The following ZMAT4 variants were observed in gnomAD, a reference collection of about 807,000 sequenced individuals.
ZMAT4 encodes zinc finger matrin-type protein 4.
Under a neutral mutation model 28.7 loss-of-function variants are expected in ZMAT4, and 17 were observed. That is an observed-to-expected ratio of 0.59 (90% CI 0.41 to 0.89). The LOEUF is 0.89. Ranked by LOEUF, ZMAT4 falls within the 40% of genes least tolerant of loss-of-function variation. The probability of loss-of-function intolerance (pLI) is 0.00; values close to 1 mark genes in which losing one functional copy is unlikely to be tolerated. For missense variants in ZMAT4, 240 were observed against 283.8 expected, an observed-to-expected ratio of 0.85 and a Z score of 1.11; for synonymous variants, 117 against 109.2, an observed-to-expected ratio of 1.07 and a Z score of -0.44.
chr8:40,770,568 G>A (rs1294608414), intron 2 of ZMAT4, among the ~76,000 whole-genome samples: 3 of 33,450 alleles, frequency 9.0e-5, no homozygotes, highest in Non-Finnish European at 2.3e-4. Context: ...TTTTTTTTGT[G>A]ACAGAGTCTC....
At chr8:40,835,265 G>A (rs1005988342) in intron 1 of ZMAT4, among the ~76,000 whole-genome samples, 5 of 152,202 alleles carry the variant, frequency 3.3e-5, no homozygotes, top group African/African-American at 9.6e-5. Flanking sequence ...GCAAAGAGAA[G>A]CAGGGAGAGG....
At chr8:40,867,601 C>T (rs773431804) in intron 1 of ZMAT4, among the ~76,000 whole-genome samples, 214 of 152,320 alleles carry the variant, frequency 1.4e-3, no homozygotes, top group Non-Finnish European at 1.3e-3. Context: ...CTGCCTCTCA[C>T]ATACAGCAGC....
chr8:40,619,440 G>T (rs1240252303), intron 5 of ZMAT4, among the ~76,000 whole-genome samples: 1 of 152,170 alleles, frequency 6.6e-6, no homozygotes, highest in Non-Finnish European at 1.5e-5. Flanking sequence ...CAGATATGCT[G>T]TGCTGGGGTG....
At chr8:40,703,490 T>C (rs944501389) in intron 3 of ZMAT4, among the ~76,000 whole-genome samples, 1 of 152,164 alleles carries the variant, frequency 6.6e-6, no homozygotes, top group African/African-American at 2.4e-5. Context: ...GACCACATAA[T>C]GTATGACTCT....
intron 1 of ZMAT4, among the ~76,000 whole-genome samples, chr8:40,844,108 G>A (rs559193558): frequency 2.0e-4 from 30 of 152,294 alleles, no homozygotes; most frequent in African/African-American, 5.1e-4. Context: ...CGACCTAACC[G>A]CTGAAGAGTG....
chr8:40,699,390 G>A (rs568413836), intron 3 of ZMAT4, among the ~76,000 whole-genome samples: 18 of 152,208 alleles, frequency 1.2e-4, no homozygotes, highest in African/African-American at 4.3e-4. Flanking sequence ...TGAAGTCTGG[G>A]CTATTAGCGT....
At chr8:40,741,127 A>G (rs1471966630) in intron 3 of ZMAT4, among the ~76,000 whole-genome samples, 1 of 152,146 alleles carries the variant, frequency 6.6e-6, no homozygotes, top group South Asian at 2.1e-4. Context: ...ACAATGGAAA[A>G]TTTGGAAAAG....
At chr8:40,835,912 C>T (rs1816463504) in intron 1 of ZMAT4, among the ~76,000 whole-genome samples, 3 of 152,156 alleles carry the variant, frequency 2.0e-5, no homozygotes, top group Admixed American at 6.5e-5. Flanking sequence ...TGTCTCCTGA[C>T]CTTCCTAAAC....
intron 2 of ZMAT4, among the ~76,000 whole-genome samples, chr8:40,779,400 C>G (rs1226967906): frequency 7.3e-5 from 11 of 151,716 alleles, no homozygotes; most frequent in Admixed American, 5.3e-4. Flanking sequence ...CTATGTCATG[C>G]CTCTCCCTCA....
intron 5 of ZMAT4, among the ~76,000 whole-genome samples, chr8:40,602,246 G>A (rs1349489056): frequency 6.6e-6 from 1 of 152,064 alleles, no homozygotes; most frequent in Non-Finnish European, 1.5e-5. Flanking sequence ...TATATATCAC[G>A]TTTTCTTTAT....
intron 5 of ZMAT4, 84 bp downstream of exon 5, chr8:40,674,620 A>C: frequency 8.9e-7 from 1 of 1,122,832 alleles, no homozygotes. Flanking sequence ...TAAAGCAAGA[A>C]GAAGAATCAT....
intron 6 of ZMAT4, among the ~76,000 whole-genome samples, chr8:40,567,829 T>C (rs1038781079): frequency 4.6e-5 from 7 of 152,186 alleles, no homozygotes; most frequent in African/African-American, 1.2e-4. Flanking sequence ...ACATCATTTG[T>C]TTTTTGAAAA....
intron 5 of ZMAT4, among the ~76,000 whole-genome samples, chr8:40,649,799 A>C (rs1807546061): frequency 6.6e-6 from 1 of 152,110 alleles, no homozygotes; most frequent in Non-Finnish European, 1.5e-5. Flanking sequence ...CTACATGGAA[A>C]CTGAACAACC....
chr8:40,814,812 A>G (rs554760284), intron 2 of ZMAT4, among the ~76,000 whole-genome samples: 86 of 151,712 alleles, frequency 5.7e-4, no homozygotes, highest in Non-Finnish European at 1.1e-3. Context: ...TAGTTTTTGA[A>G]TTGTGAATTT....
chr8:40,715,911 A>G (rs1395645314), intron 3 of ZMAT4, among the ~76,000 whole-genome samples: 2 of 152,232 alleles, frequency 1.3e-5, no homozygotes, highest in African/African-American at 4.8e-5. Flanking sequence ...AAAACTGCTA[A>G]GGCATCAACA....
intron 1 of ZMAT4, among the ~76,000 whole-genome samples, chr8:40,828,638 T>A (rs989369083): frequency 2.6e-5 from 4 of 152,208 alleles, no homozygotes; most frequent in African/African-American, 7.2e-5. Context: ...CAAGTCCATA[T>A]GCAATTTTTT....
At chr8:40,841,908 CA>C (rs1816713934) in intron 1 of ZMAT4, among the ~76,000 whole-genome samples, 1 of 152,202 alleles carries the variant, frequency 6.6e-6, no homozygotes, top group Non-Finnish European at 1.5e-5. Context: ...TGCGCTTCTG[CA>C]CTCTCCTGGG....
At chr8:40,863,015 G>C (rs1185735826) in intron 1 of ZMAT4, among the ~76,000 whole-genome samples, 1 of 151,976 alleles carries the variant, frequency 6.6e-6, no homozygotes, top group Non-Finnish European at 1.5e-5. Context: ...CTGTGCAAAG[G>C]ACTAATGGTT....
intron 5 of ZMAT4, among the ~76,000 whole-genome samples, chr8:40,657,231 A>G (rs1014220007): frequency 6.6e-6 from 1 of 152,156 alleles, no homozygotes; most frequent in Non-Finnish European, 1.5e-5. Context: ...AAGAACAAAG[A>G]AAGCGTGTTA....
Sources: gnomAD v4.1 joint callset for allele counts (sites outside exome capture counted in the v4.1 genomes callset) on GRCh38, gnomAD v4.1.1 for gene constraint, MANE v1.5 for transcripts, NCBI Gene and HGNC (gene_info 2026-07-23, HGNC 2026-07-21) for gene names.